PTN: variants seen among roughly 807,000 people sequenced by gnomAD.
PTN encodes heparin affin regulatory protein.
PTN carries 18 observed loss-of-function variants against 24.1 expected under a neutral mutation model. The observed-to-expected ratio is 0.75, with a 90% CI of 0.52 to 1.11. The LOEUF (loss-of-function observed/expected upper bound fraction) is 1.11, where lower values mean the gene tolerates loss of function less well. Ranked by LOEUF, PTN falls within the 50% of genes least tolerant of loss-of-function variation. The pLI is 0.00. For synonymous variants in PTN, 78 were observed against 68.6 expected (o/e 1.14, Z -0.67); for missense variants, 163 against 198.8 (o/e 0.82, Z 1.08).
At chr7:137,342,777 A>G (rs1241930777) in intron 1 of PTN, among the ~76,000 whole-genome samples, 4 of 152,214 alleles carry the variant, frequency 2.6e-5, no homozygotes, top group Non-Finnish European at 4.4e-5. Flanking sequence ...TGTACTGGGC[A>G]GTTCTTTAAA....
intron 1 of PTN, among the ~76,000 whole-genome samples, chr7:137,274,134 G>A (rs1390744192): frequency 6.6e-6 from 1 of 151,942 alleles, no homozygotes; most frequent in Non-Finnish European, 1.5e-5. Context: ...AAGCACCAAG[G>A]GTTGCAGCAA....
At chr7:137,298,413 A>AT (rs56096927) in intron 1 of PTN, among the ~76,000 whole-genome samples, 80,403 of 151,508 alleles carry the variant, frequency 0.53, 22,394 homozygotes, top group Non-Finnish European at 0.63. Context: ...GTGGAAATTT[A>AT]TTTTTTTTCA....
rs113401589 is a variant in PTN, at chr7:137,233,889, A to AACAC, written c.452-5818_452-5815dup. Among the ~76,000 whole-genome samples the AACAC allele has an allele frequency of 2.9e-3, 432 of 147,650 alleles. 1 individual carries two copies. The highest frequency in any genetic ancestry group is 7.8e-3 in the African/African-American group (311 of 39,988). ...TACAGACTCATATAAAAACCAAAGA[A>AACAC]ACACACACACACACACACACATACA... On this transcript the variant is annotated intron_variant, in intron 4 of 4. Coordinates refer to ENST00000348225, the MANE Select transcript of PTN (RefSeq NM_002825.7).
chr7:137,259,216 T>C (rs1229994864), intron 1 of PTN, among the ~76,000 whole-genome samples: 1 of 152,126 alleles, frequency 6.6e-6, no homozygotes, highest in Non-Finnish European at 1.5e-5. Context: ...AAATAGCTAA[T>C]TAGGAAAAGA....
chr7:137,284,436 C>CCT (rs918680638), intron 1 of PTN, among the ~76,000 whole-genome samples: 4 of 151,632 alleles, frequency 2.6e-5, no homozygotes, highest in African/African-American at 7.3e-5. Context: ...CACTCACTGA[C>CCT]CTCTCTCTCT....
At chr7:137,282,718 T>C (rs1809492645) in intron 1 of PTN, among the ~76,000 whole-genome samples, 1 of 152,212 alleles carries the variant, frequency 6.6e-6, no homozygotes, top group Non-Finnish European at 1.5e-5. Flanking sequence ...AAGTTTGCTG[T>C]ATTTAAAAGT....
intron 1 of PTN, among the ~76,000 whole-genome samples, chr7:137,336,963 A>G (rs1482925357): frequency 6.6e-6 from 1 of 152,222 alleles, no homozygotes; most frequent in East Asian, 1.9e-4. Flanking sequence ...ACGGTCACAG[A>G]GCTACTAAGA....
chr7:137,295,801 G>A (rs1217398729), intron 1 of PTN, among the ~76,000 whole-genome samples: 1 of 151,726 alleles, frequency 6.6e-6, no homozygotes, highest in Non-Finnish European at 1.5e-5. Flanking sequence ...CTTCACCAGT[G>A]CCAATAAGTA....
At chr7:137,274,033 G>GCACA (rs10555048) in intron 1 of PTN, among the ~76,000 whole-genome samples, 9 of 150,054 alleles carry the variant, frequency 6.0e-5, no homozygotes, top group African/African-American at 2.0e-4. Flanking sequence ...TTTCAGAAGC[G>GCACA]CACACACACA....
chr7:137,254,115 T>A (rs926737303), intron 2 of PTN, among the ~76,000 whole-genome samples: 1 of 152,014 alleles, frequency 6.6e-6, no homozygotes, highest in South Asian at 2.1e-4. Flanking sequence ...CTGGCTAACA[T>A]GGTGAAACCC....
chr7:137,285,331 C>T (rs1362554561), intron 1 of PTN, among the ~76,000 whole-genome samples: 1 of 152,128 alleles, frequency 6.6e-6, no homozygotes, highest in African/African-American at 2.4e-5. Context: ...AGATTAGAGA[C>T]TATTACCTTG....
At chr7:137,231,487 T>C (rs145013919) in intron 4 of PTN, among the ~76,000 whole-genome samples, 197 of 152,002 alleles carry the variant, frequency 1.3e-3, no homozygotes, top group African/African-American at 4.6e-3. Flanking sequence ...GTGCCTCCCA[T>C]TGATTTTTCC....
At chr7:137,288,076 G>A (rs748346785) in intron 1 of PTN, among the ~76,000 whole-genome samples, 1 of 152,070 alleles carries the variant, frequency 6.6e-6, no homozygotes, top group Non-Finnish European at 1.5e-5. Context: ...AGGGTTTTGG[G>A]GTCAGGTCTC....
chr7:137,237,790 T>C (rs1385415617), intron 4 of PTN, among the ~76,000 whole-genome samples: 1 of 152,230 alleles, frequency 6.6e-6, no homozygotes, highest in African/African-American at 2.4e-5. Context: ...AAGATCTTTC[T>C]CTATACTTTA....
At chr7:137,292,975 T>C (rs888336613) in intron 1 of PTN, among the ~76,000 whole-genome samples, 4 of 152,198 alleles carry the variant, frequency 2.6e-5, no homozygotes, top group Non-Finnish European at 5.9e-5. Flanking sequence ...GAATCTTTAG[T>C]CCTAACACTC....
chr7:137,301,930 G>C (rs1339709826), intron 1 of PTN, among the ~76,000 whole-genome samples: 1 of 151,670 alleles, frequency 6.6e-6, no homozygotes, highest in Non-Finnish European at 1.5e-5. Flanking sequence ...TAAAACGTTA[G>C]TATATGTTCC....
chr7:137,238,540 G>T (rs1808564371), intron 4 of PTN, among the ~76,000 whole-genome samples: 1 of 152,008 alleles, frequency 6.6e-6, no homozygotes, highest in Admixed American at 6.6e-5. Context: ...GGATTATCAT[G>T]GAAACAAAAA....
At position 137,330,835 on chromosome 7, in the gene PTN, G is replaced by A. The variant is rs1017144696; in HGVS notation, c.-2+12604C>T. Among the ~76,000 whole-genome samples, 3 of 152,150 alleles carry A rather than the reference G, an allele frequency of 2.0e-5. No individual in the cohort carries two copies. The East Asian group carries it at 5.8e-4, about 29-fold the overall frequency. On this transcript the variant is annotated intron_variant, in intron 1 of 4. Coordinates refer to ENST00000348225, the MANE Select transcript of PTN (RefSeq NM_002825.7). ...TTTATGGCAAGAGGCACCTGGAGCCGAGGAGATGTGGAAAACAAAGAAGGC... is the reference window on the plus strand; with the variant it reads ...TTTATGGCAAGAGGCACCTGGAGCCAAGGAGATGTGGAAAACAAAGAAGGC...
intron 1 of PTN, among the ~76,000 whole-genome samples, chr7:137,314,488 T>G (rs1355620926): frequency 6.6e-6 from 1 of 152,092 alleles, no homozygotes; most frequent in African/African-American, 2.4e-5. Flanking sequence ...CTCAGGAGAT[T>G]AGATGGGCTT....
Sources: allele counts gnomAD v4.1 joint callset (sites outside exome capture counted in the v4.1 genomes callset), GRCh38; gene constraint gnomAD v4.1.1; transcripts MANE v1.5; gene names NCBI Gene and HGNC (gene_info 2026-07-23, HGNC 2026-07-21).